Variants in GLIS3 observed in about 807,000 individuals in gnomAD.
GLIS3 encodes zinc finger protein GLIS3.
A neutral mutation model predicts 78.6 loss-of-function variants in GLIS3; 53 were observed. That is an observed-to-expected ratio of 0.67 (90% CI 0.54 to 0.85). The LOEUF (loss-of-function observed/expected upper bound fraction) is 0.85, where lower values mean the gene tolerates loss of function less well. Among genes scored for constraint, GLIS3 ranks in the 40% least tolerant of loss-of-function variants. The probability of loss-of-function intolerance (pLI) is 0.00; values close to 1 mark genes in which losing one functional copy is unlikely to be tolerated. For missense variants in GLIS3, 1,703 were observed against 1,231.1 expected (o/e 1.38, Z -5.74); for synonymous variants, 684 against 509.9 (o/e 1.34, Z -4.60).
chr9:4,134,800 A>G (rs1171204237), intron 2 of GLIS3, among the ~76,000 whole-genome samples: 1 of 152,204 alleles, frequency 6.6e-6, no homozygotes, highest in African/African-American at 2.4e-5. Flanking sequence ...AGAAAGAATA[A>G]GCGGGGATGA....
At chr9:4,131,028 A>T (rs184143789) in intron 2 of GLIS3, among the ~76,000 whole-genome samples, 5 of 152,202 alleles carry the variant, frequency 3.3e-5, no homozygotes, top group Non-Finnish European at 7.4e-5. Flanking sequence ...GTTAAAGGAG[A>T]TTATTTGGGA....
chr9:4,094,079 C>G (rs979031238), intron 4 of GLIS3, among the ~76,000 whole-genome samples: 12 of 152,138 alleles, frequency 7.9e-5, no homozygotes, highest in Admixed American at 1.3e-4. Context: ...GTGGATGCTT[C>G]CCAATCAATG....
intron 4 of GLIS3, among the ~76,000 whole-genome samples, chr9:3,953,748 AT>A (rs1288465711): frequency 6.7e-6 from 1 of 148,820 alleles, no homozygotes; most frequent in African/African-American, 2.5e-5. Context: ...ATTGCCAATG[AT>A]AATTAGATTT....
intron 4 of GLIS3, among the ~76,000 whole-genome samples, chr9:4,018,748 A>G (rs1822633779): frequency 6.6e-6 from 1 of 152,176 alleles, no homozygotes; most frequent in Non-Finnish European, 1.5e-5. Context: ...CACTTGGAAA[A>G]AGAAAGTTTC....
chr9:4,416,738 C>T, the GLIS3 span, among the ~76,000 whole-genome samples: 1 of 151,744 alleles, frequency 6.6e-6, no homozygotes, highest in East Asian at 1.9e-4. Flanking sequence ...TTGACAGACT[C>T]GCCTCCACTA....
chr9:4,175,031 G>C (rs1816696853), intron 2 of GLIS3, among the ~76,000 whole-genome samples: 3 of 152,176 alleles, frequency 2.0e-5, no homozygotes, highest in Non-Finnish European at 4.4e-5. Flanking sequence ...CCCTCCTCAA[G>C]CACATGGTTT....
At chr9:3,855,700 T>C (rs1819735272) in intron 9 of GLIS3, 2 of 380,082 alleles carry the variant, frequency 5.3e-6, no homozygotes, top group Admixed American at 7.4e-5. Flanking sequence ...CTGTCATTTC[T>C]TTCTCCATGG....
chr9:4,082,697 A>G (rs961309315), intron 4 of GLIS3, among the ~76,000 whole-genome samples: 4 of 152,184 alleles, frequency 2.6e-5, no homozygotes, highest in African/African-American at 9.6e-5. Context: ...TGAACCCTGA[A>G]ATCTGATTAA....
chr9:3,991,850 CT>C (rs1294020183), intron 4 of GLIS3, among the ~76,000 whole-genome samples: 2 of 151,972 alleles, frequency 1.3e-5, no homozygotes, highest in Admixed American at 1.3e-4. Flanking sequence ...GCAACCATGC[CT>C]GGCTAATTTT....
chr9:4,426,594 C>G, the GLIS3 span, among the ~76,000 whole-genome samples: 9,254 of 152,282 alleles, frequency 0.061, 521 homozygotes, highest in East Asian at 0.29. Context: ...TTTGTGCACA[C>G]AGCCTGAGCT....
At chr9:4,208,486 G>A (rs761120316) in intron 2 of GLIS3, among the ~76,000 whole-genome samples, 36 of 152,170 alleles carry the variant, frequency 2.4e-4, no homozygotes, top group Admixed American at 4.6e-4. Context: ...TCAACATGGT[G>A]TAACATGAGT....
At chr9:4,080,024 T>C (rs779447087) in intron 4 of GLIS3, among the ~76,000 whole-genome samples, 7 of 152,238 alleles carry the variant, frequency 4.6e-5, no homozygotes, top group Non-Finnish European at 7.3e-5. Flanking sequence ...GAAGGTGACA[T>C]ACAGGATCCA....
chr9:4,489,724 T>A, the GLIS3 span, among the ~76,000 whole-genome samples: 4 of 152,278 alleles, frequency 2.6e-5, no homozygotes, highest in East Asian at 5.8e-4. Context: ...GGTTCTCAGT[T>A]CTAATCACTG....
At chr9:4,435,821 C>T in the GLIS3 span, among the ~76,000 whole-genome samples, 1 of 152,110 alleles carries the variant, frequency 6.6e-6, no homozygotes, top group Non-Finnish European at 1.5e-5. Context: ...TGGTGGCAGG[C>T]TCCTGTAGTC....
chr9:4,055,985 A>G (rs1413492520), intron 4 of GLIS3, among the ~76,000 whole-genome samples: 1 of 152,210 alleles, frequency 6.6e-6, no homozygotes. Context: ...CTTTGCCAAC[A>G]TGATGGGGAG....
chr9:3,951,439 C>T (rs180800983), intron 4 of GLIS3, among the ~76,000 whole-genome samples: 1 of 149,570 alleles, frequency 6.7e-6, no homozygotes, highest in East Asian at 1.9e-4. Flanking sequence ...CAGCCAAGAA[C>T]AAAATGAAAG....
chr9:3,926,239 T>G (rs888811433), intron 6 of GLIS3, among the ~76,000 whole-genome samples: 2 of 149,558 alleles, frequency 1.3e-5, no homozygotes, highest in Non-Finnish European at 3.0e-5. Context: ...TTTTGTTTTT[T>G]TTTTTTTCTT....
chr9:4,125,141 A>G (rs1832475461), intron 3 of GLIS3, among the ~76,000 whole-genome samples: 1 of 152,184 alleles, frequency 6.6e-6, no homozygotes, highest in African/African-American at 2.4e-5. Context: ...ATGTTATGTA[A>G]CTCAAACACA....
chr9:4,287,175 A>T (rs1239685437), intron 1 of GLIS3, among the ~76,000 whole-genome samples: 1 of 152,192 alleles, frequency 6.6e-6, no homozygotes, highest in Non-Finnish European at 1.5e-5. Flanking sequence ...GAAGAGAATC[A>T]ACAACAGGAT....
Sources: allele counts gnomAD v4.1 joint callset (sites outside exome capture counted in the v4.1 genomes callset), GRCh38; gene constraint gnomAD v4.1.1; transcripts MANE v1.5; gene names NCBI Gene and HGNC (gene_info 2026-07-23, HGNC 2026-07-21).